The following STIM2 variants were observed in gnomAD, a reference collection of about 807,000 sequenced individuals.
STIM2 encodes the protein stromal interaction molecule 2.
Under a neutral mutation model 85.8 loss-of-function variants are expected in STIM2, and 31 were observed. The ratio of observed to expected loss-of-function variants is 0.36; its 90% CI spans 0.27 to 0.49. STIM2 has a LOEUF of 0.49. STIM2 is among the 20% of genes least tolerant of loss of function. The pLI, the probability that STIM2 is intolerant of heterozygous loss-of-function variation, is 0.98. For synonymous variants in STIM2, 356 were observed against 331.1 expected (o/e 1.08, Z -0.82); for missense variants, 841 against 927.6 (o/e 0.91, Z 1.21).
chr4:26,935,061 A>C (rs1275356959), intron 2 of STIM2, among the ~76,000 whole-genome samples: 1 of 152,150 alleles, frequency 6.6e-6, no homozygotes, highest in East Asian at 1.9e-4. Flanking sequence ...CTTTTCCTAT[A>C]AATTTGCCAC....
intron 6 of STIM2, 106 bp from the exon 7 acceptor site, chr4:27,002,821 T>C (rs1728203394): frequency 9.6e-7 from 1 of 1,036,972 alleles, no homozygotes; most frequent in African/African-American, 1.7e-5. Context: ...CTATGATTTC[T>C]GATTGAAATA....
intron 2 of STIM2, among the ~76,000 whole-genome samples, chr4:26,952,148 A>C (rs1726078309): frequency 6.6e-6 from 1 of 152,146 alleles, no homozygotes; most frequent in Non-Finnish European, 1.5e-5. Flanking sequence ...TTATGGGAGT[A>C]CAATTCAAGA....
chr4:26,882,632 T>C (rs932525178), intron 1 of STIM2, among the ~76,000 whole-genome samples: 7 of 151,750 alleles, frequency 4.6e-5, no homozygotes, highest in African/African-American at 1.7e-4. Context: ...CAGCTAATTT[T>C]TGTATTTTTT....
chr4:26,915,889 A>G (rs1444705493), intron 1 of STIM2, among the ~76,000 whole-genome samples: 1 of 152,224 alleles, frequency 6.6e-6, no homozygotes, highest in African/African-American at 2.4e-5. Flanking sequence ...TAGGCACTGC[A>G]TATCGTGTTT....
Position 26,949,512 on chromosome 4 carries a change from A to G in STIM2, c.283-8100A>G, listed in dbSNP as rs561781849. 7.9e-5 allele frequency among the ~76,000 whole-genome samples: 12 copies of G among 152,300 alleles called. 1 individual carries two copies. The South Asian group carries it at 2.5e-3, about 32-fold the overall frequency. On this transcript the variant is annotated intron_variant, in intron 2 of 11. Coordinates refer to ENST00000467087, the MANE Select transcript of STIM2 (RefSeq NM_020860.4). ...GAACTATGTGTGGTTTATTATATAT[A>G]TGTATAGTGAAATAAAGGCCCTATA...
chr4:26,889,539 C>T (rs1190505537), intron 1 of STIM2, among the ~76,000 whole-genome samples: 4 of 152,116 alleles, frequency 2.6e-5, no homozygotes, highest in Non-Finnish European at 5.9e-5. Context: ...CAAAACAGTG[C>T]CCCATTCATG....
At chr4:26,996,457 T>C (rs550481351) in intron 4 of STIM2, among the ~76,000 whole-genome samples, 1 of 152,166 alleles carries the variant, frequency 6.6e-6, no homozygotes, top group African/African-American at 2.4e-5. Flanking sequence ...CCTAGTCAAC[T>C]TCCTTACATG....
At chr4:26,864,863 C>T (rs530157310) in intron 1 of STIM2, among the ~76,000 whole-genome samples, 1 of 152,204 alleles carries the variant, frequency 6.6e-6, no homozygotes, top group South Asian at 2.1e-4. Flanking sequence ...ATGGAAATAC[C>T]TCAAATTAGC....
In STIM2 at chr4:27,024,564, A is replaced by G. The variant is rs113679639; in HGVS notation, c.*1568A>G. 2.4e-4 allele frequency: 37 copies of G among 152,238 alleles called. No homozygotes were observed. Among genetic ancestry groups the G allele is most frequent in the African/African-American group, 8.2e-4 (34 of 41,462 alleles). 9.4% of individuals were successfully genotyped at this position (152,238 alleles called of 1,614,324 possible). A position where few individuals can be genotyped will look rare whatever the true frequency, so the allele number is the denominator to read the frequency against. On this transcript the variant is annotated 3_prime_UTR_variant, in exon 12 of 12. Coordinates refer to ENST00000467087, the MANE Select transcript of STIM2 (RefSeq NM_020860.4). ...TATGAACAATTTCCTGATGTCTCCTATAAATTGTGATTGTTTATTCTATTA... is the reference window on the plus strand; with the variant it reads ...TATGAACAATTTCCTGATGTCTCCTGTAAATTGTGATTGTTTATTCTATTA...
chr4:26,876,351 C>G (rs932768634), intron 1 of STIM2, among the ~76,000 whole-genome samples: 2 of 152,158 alleles, frequency 1.3e-5, no homozygotes, highest in Admixed American at 6.5e-5. Flanking sequence ...CGTAGCACTT[C>G]CCACTTTTGA....
chr4:26,922,228 A>G (rs1367607888), intron 2 of STIM2, among the ~76,000 whole-genome samples: 3 of 151,834 alleles, frequency 2.0e-5, no homozygotes, highest in Non-Finnish European at 1.5e-5. Context: ...TTATATTTTT[A>G]TATTTATATT....
At chr4:26,984,120 A>G (rs959771277) in intron 3 of STIM2, among the ~76,000 whole-genome samples, 5 of 152,322 alleles carry the variant, frequency 3.3e-5, no homozygotes, top group Middle Eastern at 3.4e-3. Context: ...AAATGGTTCT[A>G]AAAAGAATCA....
intron 2 of STIM2, among the ~76,000 whole-genome samples, chr4:26,939,931 G>A (rs929909299): frequency 1.3e-5 from 2 of 152,120 alleles, no homozygotes; most frequent in Admixed American, 6.6e-5. Flanking sequence ...GGCATGTTAC[G>A]GCAAACGATG....
At chr4:27,017,589 A>G in intron 10 of STIM2, 122 bp from the exon 11 acceptor site, 1 of 1,235,302 alleles carries the variant, frequency 8.1e-7, no homozygotes, top group South Asian at 1.4e-5. Flanking sequence ...CAGTAACTTC[A>G]GTAAAGGGAG....
chr4:26,878,997 G>C (rs903292910), intron 1 of STIM2, among the ~76,000 whole-genome samples: 2 of 152,098 alleles, frequency 1.3e-5, no homozygotes, highest in Admixed American at 6.5e-5. Context: ...ATTTGGGTGG[G>C]GACACAGAGC....
chr4:26,931,712 T>A (rs966559629), intron 2 of STIM2, among the ~76,000 whole-genome samples: 15 of 152,300 alleles, frequency 9.8e-5, no homozygotes, highest in South Asian at 4.1e-4. Flanking sequence ...AGGGCATAGG[T>A]GCTAGAGAAG....
Position 26,954,604 on chromosome 4 carries a change from A to G in STIM2, c.283-3008A>G, listed in dbSNP as rs1454642490. Among the ~76,000 whole-genome samples, 7 of 148,318 alleles carry G rather than the reference A, an allele frequency of 4.7e-5. No homozygotes were observed. The South Asian group carries it at 1.3e-3, about 27-fold the overall frequency. On this transcript the variant is annotated intron_variant, in intron 2 of 11. Transcript: ENST00000467087. ...TGACTGTTTTAAAATTTCTGTAGTT[A>G]CCCTACTTCATTGCTAAAATGAGGA...
At chr4:26,904,572 A>T (rs1024076672) in intron 1 of STIM2, among the ~76,000 whole-genome samples, 1 of 152,114 alleles carries the variant, frequency 6.6e-6, no homozygotes, top group African/African-American at 2.4e-5. Context: ...AGTAATGTTG[A>T]GGTTATAGGT....
intron 3 of STIM2, among the ~76,000 whole-genome samples, chr4:26,960,092 G>GT (rs1301568634): frequency 6.6e-6 from 1 of 152,164 alleles, no homozygotes; most frequent in Non-Finnish European, 1.5e-5. Flanking sequence ...CAGAGCACTG[G>GT]TTTTTAAAAC....
Sources: gnomAD v4.1 joint callset for allele counts (sites outside exome capture counted in the v4.1 genomes callset) on GRCh38, gnomAD v4.1.1 for gene constraint, MANE v1.5 for transcripts, NCBI Gene and HGNC (gene_info 2026-07-23, HGNC 2026-07-21) for gene names.